The following PRKDC variants were observed in gnomAD, a reference collection of about 807,000 sequenced individuals.
PRKDC encodes protein kinase, DNA-activated, catalytic subunit.
Under a neutral mutation model 486.9 loss-of-function variants are expected in PRKDC, and 82 were observed. The ratio of observed to expected loss-of-function variants is 0.17; its 90% CI spans 0.14 to 0.20. The LOEUF is 0.20. PRKDC is among the 10% of genes least tolerant of loss of function. The pLI is 1.00. For missense variants in PRKDC, 4,504 were observed against 5,038.2 expected, an observed-to-expected ratio of 0.89 and a Z score of 3.21; for synonymous variants, 1,895 against 1,837.0, an observed-to-expected ratio of 1.03 and a Z score of -0.81.
Position 47,858,831 on chromosome 8 carries a change from G to A in PRKDC, c.6345+18C>T. The A allele has an allele frequency of 6.2e-7, 1 of 1,610,854 alleles. No individual in the cohort carries two copies. The highest frequency in any genetic ancestry group is 1.1e-5 in the South Asian group (1 of 90,842). Reference sequence around the variant, plus strand: ...CAATGAATATAGTATTAACAGGTAAGATGAGTGGGAAAAGCACCTCTTCTC... The same window carrying A: ...CAATGAATATAGTATTAACAGGTAAAATGAGTGGGAAAAGCACCTCTTCTC... On this transcript the variant is annotated intron_variant, in intron 47 of 85. Transcript: ENST00000314191.
chr8:47,876,828 GC>G (rs2089101486), intron 40 of PRKDC, among the ~76,000 whole-genome samples: 1 of 152,050 alleles, frequency 6.6e-6, no homozygotes, highest in Non-Finnish European at 1.5e-5. Flanking sequence ...CAGAAAAATG[GC>G]CATTTGCAAC....
chr8:47,906,590 C>A (rs1373610862), intron 25 of PRKDC, among the ~76,000 whole-genome samples: 3 of 150,560 alleles, frequency 2.0e-5, no homozygotes, highest in Non-Finnish European at 4.4e-5. Flanking sequence ...CCGAGATCGT[C>A]CCACTGCACT....
intron 36 of PRKDC, among the ~76,000 whole-genome samples, chr8:47,882,411 A>G (rs1288153070): frequency 6.6e-6 from 1 of 152,154 alleles, no homozygotes; most frequent in Non-Finnish European, 1.5e-5. Flanking sequence ...TGCATGCACA[A>G]GCACACACAG....
At chr8:47,830,787 C>G in intron 60 of PRKDC, 51 bp from the exon 61 acceptor site, 1 of 1,610,504 alleles carries the variant, frequency 6.2e-7, no homozygotes, top group Non-Finnish European at 8.5e-7. Context: ...TTGAAGGAAA[C>G]TAGTCGTGCA....
At chr8:47,946,793 A>C (rs1431274559) in intron 7 of PRKDC, among the ~76,000 whole-genome samples, 2 of 152,088 alleles carry the variant, frequency 1.3e-5, no homozygotes, top group Non-Finnish European at 2.9e-5. Flanking sequence ...CCAACACAAA[A>C]GGCCAGGTTT....
intron 7 of PRKDC, among the ~76,000 whole-genome samples, chr8:47,952,377 C>A (rs932242904): frequency 6.6e-6 from 1 of 152,184 alleles, no homozygotes; most frequent in Admixed American, 6.5e-5. Flanking sequence ...AAGCTACATA[C>A]CATGAGTTCA....
At chr8:47,831,569 G>T (rs570399573) in intron 60 of PRKDC, among the ~76,000 whole-genome samples, 2 of 152,116 alleles carry the variant, frequency 1.3e-5, no homozygotes, top group African/African-American at 4.8e-5. Flanking sequence ...GGGATCAGCC[G>T]GCTGATCCCA....
chr8:47,922,520 G>C (rs949323211), intron 21 of PRKDC, among the ~76,000 whole-genome samples: 3 of 151,552 alleles, frequency 2.0e-5, no homozygotes, highest in African/African-American at 7.3e-5. Context: ...TGCCCAGACT[G>C]GTCTCGAACT....
Position 47,900,375 on chromosome 8 carries a change from A to G in PRKDC, c.3362T>C (p.Leu1121Ser), listed in dbSNP as rs1589777442. The G allele has an allele frequency of 1.2e-6, 2 of 1,604,722 alleles. No homozygotes were observed. Among genetic ancestry groups the G allele is most frequent in the Non-Finnish European group, 8.5e-7 (1 of 1,176,146 alleles). Residue 1121 changes from leucine (L) to serine (S), a missense_variant and splice_region_variant, in exon 28 of 86, where the codon TTA becomes TCA. By Grantham distance (145) the Leu-to-Ser change is moderately radical. Around this residue, in one of 6 missense-constraint regions of PRKDC, gnomAD observed 1,969 missense variants for 2,068.9 expected, o/e 0.95. Coordinates refer to ENST00000314191, the MANE Select transcript of PRKDC (RefSeq NM_006904.7). ...CAGAACACTGAAGCAAAACGTACCT[A>G]AGGACTTCTCATCTGCATGTGCTAA... The part of the protein sequence containing the change: ...LALAHADEKS[L>S]GTIQQCCDAI...
In PRKDC at chr8:47,939,618, A is replaced by G; in HGVS notation, c.1046T>C (p.Ile349Thr). The G allele has an allele frequency of 6.2e-7, 1 of 1,613,462 alleles. No individual in the cohort carries two copies. The highest frequency in any genetic ancestry group is 1.1e-5 in the South Asian group (1 of 91,046). The stretch of plus-strand genomic sequence containing the variant: ...CTTGTTGTTCGAATCCACATTTCTG[A>G]TGATTCCATAAAACTGCTCCATAAA... ...QYFMEQFYGI[I>T]RNVDSNNKEL... is the part of the protein sequence containing the mutation. The change falls in exon 11 of 86, where the codon ATC becomes ACC. Residue 349 changes from isoleucine to threonine, a missense_variant. By Grantham distance (89) the Ile-to-Thr change is moderately conservative (BLOSUM62 -1). Coordinates refer to ENST00000314191, the MANE Select transcript of PRKDC (RefSeq NM_006904.7).
chr8:47,842,147 G>A lies in PRKDC; in HGVS notation c.7281-1958C>T, dbSNP rs557550511. Among the ~76,000 whole-genome samples the A allele has an allele frequency of 1.1e-4, 17 of 152,236 alleles. No individual in the cohort carries two copies. In the East Asian group the frequency reaches 3.3e-3, roughly 30 times the overall value. On this transcript the variant is annotated intron_variant, in intron 54 of 85. Coordinates refer to ENST00000314191, the MANE Select transcript of PRKDC (RefSeq NM_006904.7). ...AGCTCAGGCTACTGCTAAGGGATGGGGAGTGCAGCCCACCAGGGCCCCCCT... is the reference window on the plus strand; with the variant it reads ...AGCTCAGGCTACTGCTAAGGGATGGAGAGTGCAGCCCACCAGGGCCCCCCT...
chr8:47,891,206 C>A (rs1260693690), intron 31 of PRKDC, among the ~76,000 whole-genome samples: 1 of 152,114 alleles, frequency 6.6e-6, no homozygotes, highest in Admixed American at 6.5e-5. Flanking sequence ...GGTGCACAGC[C>A]CTTTAGAGTG....
At position 47,820,705 on chromosome 8, in the gene PRKDC, A is replaced by C; in HGVS notation, c.9336+14T>G. 3.7e-6 allele frequency: 5 copies of C among 1,355,666 alleles called. No homozygotes were observed. Among genetic ancestry groups the C allele is most frequent in the Non-Finnish European group, 5.0e-6 (5 of 998,426 alleles). 84.0% of individuals were successfully genotyped at this position (1,355,666 alleles called of 1,614,324 possible). A position where few individuals can be genotyped will look rare whatever the true frequency, so the allele number is the denominator to read the frequency against. On this transcript the variant is annotated intron_variant, in intron 66 of 85. Transcript: ENST00000314191. ...ATATATATACAAGCATATATATATA[A>C]TATATAGTATTACCTGCATAAAACT... is the stretch of plus-strand genomic sequence containing the variant.
intron 22 of PRKDC, among the ~76,000 whole-genome samples, chr8:47,917,816 AAC>A (rs1409499851): frequency 6.6e-6 from 1 of 152,172 alleles, no homozygotes; most frequent in African/African-American, 2.4e-5. Flanking sequence ...AAATAAACAA[AAC>A]AGTTAATATA....
intron 73 of PRKDC, among the ~76,000 whole-genome samples, chr8:47,795,689 C>T (rs1031493133): frequency 1.3e-5 from 2 of 151,416 alleles, no homozygotes; most frequent in African/African-American, 2.4e-5. Context: ...AGACAAGTTT[C>T]GCCACGTTGG....
At chr8:47,898,654 A>C in intron 28 of PRKDC, 85 bp from the exon 29 acceptor site, 1 of 797,824 alleles carries the variant, frequency 1.3e-6, no homozygotes, top group Non-Finnish European at 1.7e-6. Flanking sequence ...GTGTTGGCCT[A>C]ATTTTTAACT....
intron 7 of PRKDC, among the ~76,000 whole-genome samples, chr8:47,948,464 T>G (rs1241020714): frequency 2.7e-5 from 4 of 145,844 alleles, no homozygotes; most frequent in Non-Finnish European, 4.5e-5. Flanking sequence ...TGCCTTGTTT[T>G]TTTTTTTTTT....
chr8:47,790,662 A>G (rs1563735680), intron 74 of PRKDC, among the ~76,000 whole-genome samples: 1 of 152,364 alleles, frequency 6.6e-6, no homozygotes, highest in South Asian at 2.1e-4. Context: ...ACTTCAAATT[A>G]TATTACAGAG....
Position 47,929,877 on chromosome 8 carries a change from A to G in PRKDC, c.2028T>C (p.Asn676=), listed in dbSNP as rs772021510. 1 of 1,596,534 alleles carries G rather than the reference A, an allele frequency of 6.3e-7. No homozygotes were observed. The highest frequency in any genetic ancestry group is 8.5e-7 in the Non-Finnish European group (1 of 1,175,928). Residue 676 remains asparagine (N), a synonymous_variant, in exon 18 of 86, where the codon AAT becomes AAC. Transcript: ENST00000314191. The part of the protein sequence containing the change: ...FYKLLSITVR[N]AKKIKYFEGV... ...CCTCGAAATATTTTATTTTCTTGGC[A>G]TTTCTTACTGTAATAGAAAGCAATT... is the stretch of plus-strand genomic sequence containing the variant.
Sources: gnomAD v4.1 joint callset for allele counts (sites outside exome capture counted in the v4.1 genomes callset) on GRCh38, gnomAD v4.1.1 for gene constraint, gnomAD v4.1.1 regional missense constraint, MANE v1.5 for transcripts, NCBI Gene and HGNC (gene_info 2026-07-23, HGNC 2026-07-21) for gene names.